FAF1: variants seen among roughly 807,000 people sequenced by gnomAD.
The protein encoded by FAF1 is Fas associated factor 1, also known as FAS-associated factor 1.
A neutral mutation model predicts 92.5 loss-of-function variants in FAF1; 25 were observed. That is an observed-to-expected ratio of 0.27 (90% CI 0.20 to 0.38). The LOEUF (loss-of-function observed/expected upper bound fraction) is 0.38. Among genes scored for constraint, FAF1 ranks in the 10% least tolerant of loss-of-function variants. The pLI is 1.00. For synonymous variants in FAF1, 234 were observed against 273.2 expected (o/e 0.86, Z 1.42); for missense variants, 636 against 793.3 (o/e 0.80, Z 2.38).
intron 4 of FAF1, among the ~76,000 whole-genome samples, chr1:50,771,083 G>A (rs772465451): frequency 1.3e-5 from 2 of 152,070 alleles, no homozygotes; most frequent in Non-Finnish European, 2.9e-5. Context: ...CTTCCTTACA[G>A]CATATACAAA....
intron 7 of FAF1, among the ~76,000 whole-genome samples, chr1:50,694,858 G>C (rs1214629445): frequency 6.6e-6 from 1 of 151,816 alleles, no homozygotes; most frequent in African/African-American, 2.4e-5. Context: ...AGCTACTCGG[G>C]AGGCTGAGGT....
rs75843566 is a variant in FAF1 at position 50,451,988 on chromosome 1, T to C, written c.1870-10465A>G. 1,951 of 1,189,924 alleles carry C rather than the reference T, an allele frequency of 1.6e-3. 14 individuals carry two copies. The African/African-American group carries it at 0.027, about 17-fold the overall frequency. 73.7% of individuals were successfully genotyped at this position (1,189,924 alleles called of 1,614,324 possible). A position where few individuals can be genotyped will look rare whatever the true frequency, so the allele number is the denominator to read the frequency against. On this transcript the variant is annotated intron_variant, in intron 18 of 18. Transcript: ENST00000396153. ...CTCCTTGCAGTGGTATCCTTGATGG[T>C]GGCTTTGGTCACTATACTATTAAAT...
In FAF1 at chr1:50,738,927, T is replaced by C. The variant is rs772903578; in HGVS notation, c.487A>G (p.Lys163Glu). The change falls in exon 6 of 19, where the codon AAA (lysine) becomes GAA (glutamate). Residue 163 changes from lysine to glutamate, a missense_variant. Around this residue, in one of 2 missense-constraint regions of FAF1, gnomAD observed 317 missense variants for 342.4 expected, o/e 0.93. Transcript: ENST00000396153. ...STVLKSLHLP[K>E]NNSLYVLTPD... Reference sequence around the variant, plus strand: ...GTAAGGACATAAAGACTGTTGTTTTTTGGCAAGTGTAGAGATTTTAGGACC... The same window carrying C: ...GTAAGGACATAAAGACTGTTGTTTTCTGGCAAGTGTAGAGATTTTAGGACC... 1 of 1,608,650 alleles carries C rather than the reference T, an allele frequency of 6.2e-7. No homozygotes were observed.
intron 1 of FAF1, among the ~76,000 whole-genome samples, chr1:50,915,191 A>T (rs1644910986): frequency 6.6e-6 from 1 of 152,034 alleles, no homozygotes; most frequent in Non-Finnish European, 1.5e-5. Context: ...ATCAACATGG[A>T]GAAATCCTGT....
chr1:50,844,819 C>A (rs1175080263), intron 2 of FAF1, among the ~76,000 whole-genome samples: 1 of 151,942 alleles, frequency 6.6e-6, no homozygotes, highest in Non-Finnish European at 1.5e-5. Flanking sequence ...GATTGGTAAT[C>A]ATAAAGTTAT....
chr1:50,722,491 A>G (rs1280929188), intron 6 of FAF1, among the ~76,000 whole-genome samples: 2 of 152,136 alleles, frequency 1.3e-5, no homozygotes, highest in African/African-American at 4.8e-5. Context: ...TACTAAAAAT[A>G]CAAAAACATT....
intron 15 of FAF1, among the ~76,000 whole-genome samples, chr1:50,523,654 T>G (rs1346638264): frequency 6.6e-6 from 1 of 152,236 alleles, no homozygotes; most frequent in African/African-American, 2.4e-5. Context: ...ATATTTAATA[T>G]ATTCTGGATA....
chr1:50,541,579 C>A (rs1648758963), intron 13 of FAF1, among the ~76,000 whole-genome samples: 2 of 151,874 alleles, frequency 1.3e-5, no homozygotes, highest in African/African-American at 4.8e-5. Flanking sequence ...CAAAAGATGT[C>A]AAAAAAATAG....
intron 1 of FAF1, among the ~76,000 whole-genome samples, chr1:50,888,365 C>T: frequency 6.6e-6 from 1 of 152,212 alleles, no homozygotes; most frequent in Admixed American, 6.5e-5. Context: ...AATCCCCTTT[C>T]TTTCTTTCTC....
chr1:50,770,855 A>G (rs1660751440), intron 4 of FAF1, among the ~76,000 whole-genome samples: 1 of 152,204 alleles, frequency 6.6e-6, no homozygotes, highest in Non-Finnish European at 1.5e-5. Flanking sequence ...ACCCAACTTC[A>G]AACTATACTA....
At chr1:50,808,607 A>T (rs12097096) in intron 2 of FAF1, among the ~76,000 whole-genome samples, 1 of 151,598 alleles carries the variant, frequency 6.6e-6, no homozygotes, top group Non-Finnish European at 1.5e-5. Flanking sequence ...AACAAAGCAG[A>T]GGTTGCTGTT....
intron 1 of FAF1, among the ~76,000 whole-genome samples, chr1:50,887,734 T>C (rs1195718090): frequency 7.9e-5 from 12 of 152,346 alleles, no homozygotes; most frequent in Non-Finnish European, 8.8e-5. Context: ...TCCATTGGTC[T>C]ATATCTCTGT....
chr1:50,824,151 T>C (rs981887198), intron 2 of FAF1, among the ~76,000 whole-genome samples: 5 of 152,194 alleles, frequency 3.3e-5, no homozygotes, highest in Non-Finnish European at 7.4e-5. Flanking sequence ...TAAATATGCA[T>C]GTATGACTAT....
At chr1:50,828,903 A>G (rs1644129024) in intron 2 of FAF1, among the ~76,000 whole-genome samples, 1 of 152,212 alleles carries the variant, frequency 6.6e-6, no homozygotes, top group Non-Finnish European at 1.5e-5. Context: ...TCTGCAACAC[A>G]CAACAAAAAG....
intron 12 of FAF1, among the ~76,000 whole-genome samples, chr1:50,573,920 G>A (rs573633178): frequency 6.6e-6 from 1 of 152,080 alleles, no homozygotes; most frequent in African/African-American, 2.4e-5. Context: ...CTGAGGTCAG[G>A]AGTTCAAGAC....
chr1:50,776,933 G>A (rs1269158472), intron 4 of FAF1, among the ~76,000 whole-genome samples: 3 of 151,796 alleles, frequency 2.0e-5, no homozygotes, highest in African/African-American at 7.3e-5. Context: ...CTTTTAAAAC[G>A]TCAACAGAGG....
intron 7 of FAF1, among the ~76,000 whole-genome samples, chr1:50,666,430 C>A (rs1655636701): frequency 6.6e-6 from 1 of 151,934 alleles, no homozygotes; most frequent in African/African-American, 2.4e-5. Flanking sequence ...TGGTCTCAAA[C>A]CCCTGGACTC....
intron 1 of FAF1, among the ~76,000 whole-genome samples, chr1:50,953,100 C>T (rs1406856974): frequency 1.4e-4 from 22 of 152,186 alleles, no homozygotes; most frequent in Admixed American, 1.4e-3. Flanking sequence ...TACCCCCAAT[C>T]CCGTGCTCTC....
chr1:50,655,846 T>C (rs777665310), intron 7 of FAF1, among the ~76,000 whole-genome samples: 40 of 152,202 alleles, frequency 2.6e-4, no homozygotes, highest in South Asian at 2.1e-4. Flanking sequence ...AGTACGATTA[T>C]ACATTTTTAT....
Sources: allele counts gnomAD v4.1 joint callset (sites outside exome capture counted in the v4.1 genomes callset), GRCh38; gene constraint gnomAD v4.1.1; regional missense constraint gnomAD v4.1.1; transcripts MANE v1.5; gene names NCBI Gene and HGNC (gene_info 2026-07-23, HGNC 2026-07-21).